IPO11: variants seen among roughly 807,000 people sequenced by gnomAD.
IPO11 encodes importin 11.
In IPO11, 66 loss-of-function variants were observed where a neutral mutation model predicts 143.2. The ratio of observed to expected loss-of-function variants is 0.46; its 90% CI spans 0.38 to 0.57. The LOEUF is 0.57. Among genes scored for constraint, IPO11 ranks in the 20% least tolerant of loss-of-function variants. IPO11 has a pLI of 0.00. For synonymous variants in IPO11, 385 were observed against 377.8 expected, an observed-to-expected ratio of 1.02 and a Z score of -0.22; for missense variants, 1,026 against 1,141.0, an observed-to-expected ratio of 0.90 and a Z score of 1.45.
rs865789237 is a variant in IPO11 at position 62,593,878 on chromosome 5, T to C, written c.2678+2206T>C. On this transcript the variant is annotated intron_variant, in intron 28 of 29. Coordinates refer to ENST00000325324, the MANE Select transcript of IPO11 (RefSeq NM_016338.5). ...ATCTCTATTAAATCTTCCTACATTA[T>C]AATTCTATGAATTAAATAGAGTTCT... Among the ~76,000 whole-genome samples the C allele has an allele frequency of 1.9e-4, 29 of 152,366 alleles. 1 individual carries two copies. In the Middle Eastern group the frequency reaches 0.024, roughly 125 times the overall value.
intron 5 of IPO11, among the ~76,000 whole-genome samples, chr5:62,463,392 G>T (rs1400667005): frequency 6.6e-6 from 1 of 151,996 alleles, no homozygotes; most frequent in African/African-American, 2.4e-5. Flanking sequence ...GGCCAGGCAT[G>T]GTAGCTTATG....
At chr5:62,568,787 A>G (rs1170427197) in intron 27 of IPO11, among the ~76,000 whole-genome samples, 1 of 152,092 alleles carries the variant, frequency 6.6e-6, no homozygotes, top group Non-Finnish European at 1.5e-5. Context: ...ATTTAGGTGA[A>G]TGTTCTTGAT....
chr5:62,589,254 G>C (rs1744923998), intron 27 of IPO11, among the ~76,000 whole-genome samples: 1 of 152,082 alleles, frequency 6.6e-6, no homozygotes, highest in African/African-American at 2.4e-5. Context: ...CCCTGGACAA[G>C]CTTCTTGAAA....
chr5:62,516,599 G>A (rs1347013071), intron 20 of IPO11, among the ~76,000 whole-genome samples: 1 of 151,862 alleles, frequency 6.6e-6, no homozygotes, highest in Admixed American at 6.6e-5. Flanking sequence ...CAGCCCCTCC[G>A]TAAATGGTTA....
Position 62,553,347 on chromosome 5 carries a change from T to C in IPO11, c.2460+2011T>C, listed in dbSNP as rs934222704. ...GAGTGTGTGTGTGTGTGTGTGTGTG[T>C]GTGTGTGTGTGTGTGTGATATTTTC... On this transcript the variant is annotated intron_variant, in intron 26 of 29. Coordinates refer to ENST00000325324, the MANE Select transcript of IPO11 (RefSeq NM_016338.5). 1.0e-2 allele frequency among the ~76,000 whole-genome samples: 303 copies of C among 30,434 alleles called. 2 individuals carry two copies. Among genetic ancestry groups the C allele is most frequent in the African/African-American group, 0.042 (296 of 6,972 alleles). The allele number at this position is 30,434 out of a possible 152,430, so 20.0% of individuals were successfully genotyped here.
intron 1 of IPO11, among the ~76,000 whole-genome samples, chr5:62,431,502 A>T (rs1345452467): frequency 6.6e-6 from 1 of 152,008 alleles, no homozygotes; most frequent in Non-Finnish European, 1.5e-5. Flanking sequence ...CGATTTTTCC[A>T]GGGGCTAATT....
rs114229863 is a variant in IPO11 at position 62,552,170 on chromosome 5, A to T, written c.2460+834A>T. On this transcript the variant is annotated intron_variant, in intron 26 of 29. Coordinates refer to ENST00000325324, the MANE Select transcript of IPO11 (RefSeq NM_016338.5). ...ACTATATATGAGATATTCAAATAAG[A>T]TTATGCTGTAAGTCATTAATCTGTT... Among the ~76,000 whole-genome samples the T allele has an allele frequency of 7.2e-3, 1,100 of 152,218 alleles. 13 individuals carry two copies. Among genetic ancestry groups the T allele is most frequent in the African/African-American group, 0.025 (1,035 of 41,544 alleles).
At chr5:62,427,256 G>T (rs1580164107) in intron 1 of IPO11, among the ~76,000 whole-genome samples, 1 of 151,908 alleles carries the variant, frequency 6.6e-6, no homozygotes, top group East Asian at 1.9e-4. Context: ...TTTCTAACAA[G>T]CAGGAGTTTG....
intron 26 of IPO11, among the ~76,000 whole-genome samples, chr5:62,553,858 ATC>A (rs1423988017): frequency 1.3e-5 from 2 of 151,710 alleles, no homozygotes; most frequent in African/African-American, 4.8e-5. Flanking sequence ...GTTCAAGTGA[ATC>A]TCTCGCCTCA....
At chr5:62,541,666 G>A (rs145311987) in intron 24 of IPO11, among the ~76,000 whole-genome samples, 16 of 151,464 alleles carry the variant, frequency 1.1e-4, no homozygotes, top group African/African-American at 3.9e-4. Flanking sequence ...AGACAATAGA[G>A]TGAGACCCTG....
At chr5:62,500,608 C>T (rs1358327998) in intron 16 of IPO11, among the ~76,000 whole-genome samples, 2 of 152,090 alleles carry the variant, frequency 1.3e-5, no homozygotes, top group African/African-American at 2.4e-5. Flanking sequence ...AGTTATCCTC[C>T]CACCTCAACT....
chr5:62,446,088 A>G (rs1744708799), intron 3 of IPO11, among the ~76,000 whole-genome samples: 1 of 152,152 alleles, frequency 6.6e-6, no homozygotes, highest in Non-Finnish European at 1.5e-5. Flanking sequence ...ATTTTTAATG[A>G]CCTGAATGTT....
intron 19 of IPO11, among the ~76,000 whole-genome samples, chr5:62,507,111 T>C (rs1173936120): frequency 1.3e-5 from 2 of 152,242 alleles, no homozygotes; most frequent in Non-Finnish European, 2.9e-5. Flanking sequence ...ATGTGCTACA[T>C]GCTTTGCATA....
chr5:62,589,236 G>A (rs1337726557), intron 27 of IPO11, among the ~76,000 whole-genome samples: 1 of 151,984 alleles, frequency 6.6e-6, no homozygotes, highest in Non-Finnish European at 1.5e-5. Context: ...TTACCCTATT[G>A]TTTCCCTCCC....
intron 20 of IPO11, among the ~76,000 whole-genome samples, chr5:62,518,483 G>A (rs1006484957): frequency 1.1e-4 from 17 of 151,630 alleles, no homozygotes; most frequent in African/African-American, 3.6e-4. Context: ...GTGTGGTGGC[G>A]CACACTTGTA....
chr5:62,544,214 G>A (rs148726416), intron 24 of IPO11, among the ~76,000 whole-genome samples: 7,526 of 152,038 alleles, frequency 0.05, 234 homozygotes, highest in South Asian at 0.087. Context: ...ATAAAATACC[G>A]TCAAACCGAA....
rs200121488 is a variant in IPO11 at position 62,490,172 on chromosome 5, A to G, written c.1415A>G (p.Gln472Arg). 123 of 1,605,880 alleles carry G rather than the reference A, an allele frequency of 7.7e-5. No individual in the cohort carries two copies. Among genetic ancestry groups the G allele is most frequent in the Non-Finnish European group, 1.0e-4 (121 of 1,176,060 alleles). ...CTCTTTGACAGTGTTGATTTTGATC[A>G]GTGGTTTAAAAACCAGCTTCTTCCA... ...YELFDSVDFD[Q>R]WFKNQLLPEL... is the part of the protein sequence containing the mutation. Residue 472 changes from glutamine (Q) to arginine (R), a missense_variant, in exon 15 of 30, where the codon CAG becomes CGG. Gln to Arg is a conservative substitution (Grantham distance 43). This residue lies in a region of IPO11 where 237 missense variants were observed against 288.0 expected (regional missense o/e 0.82). Coordinates refer to ENST00000325324, the MANE Select transcript of IPO11 (RefSeq NM_016338.5).
intron 1 of IPO11, among the ~76,000 whole-genome samples, chr5:62,424,264 C>T (rs548622059): frequency 8.8e-4 from 133 of 151,988 alleles, no homozygotes; most frequent in Non-Finnish European, 1.3e-3. Context: ...CTCAGCCTCC[C>T]GAGTAGCTGG....
At chr5:62,513,881 G>T (rs1417598222) in intron 19 of IPO11, among the ~76,000 whole-genome samples, 4 of 150,042 alleles carry the variant, frequency 2.7e-5, no homozygotes, top group Non-Finnish European at 5.9e-5. Context: ...CAGACGGGGC[G>T]GCCGGGCAGA....
Sources: gnomAD v4.1 joint callset for allele counts (sites outside exome capture counted in the v4.1 genomes callset) on GRCh38, gnomAD v4.1.1 for gene constraint, gnomAD v4.1.1 regional missense constraint, MANE v1.5 for transcripts, NCBI Gene and HGNC (gene_info 2026-07-23, HGNC 2026-07-21) for gene names.